Variants in GPSM1 observed in about 807,000 individuals in gnomAD.
The protein encoded by GPSM1 is G protein signaling modulator 1.
In GPSM1, 48 loss-of-function variants were observed where a neutral mutation model predicts 70.5. The observed-to-expected ratio is 0.68, with a 90% CI of 0.54 to 0.87. GPSM1 has a LOEUF of 0.87. Ranked by LOEUF, GPSM1 falls within the 40% of genes least tolerant of loss-of-function variation. The pLI is 0.00. For missense variants in GPSM1, 981 were observed against 972.6 expected, an observed-to-expected ratio of 1.01 and a Z score of -0.11; for synonymous variants, 416 against 430.1, an observed-to-expected ratio of 0.97 and a Z score of 0.41.
chr9:136,352,121 G>A (rs544365720), intron 11 of GPSM1, among the ~76,000 whole-genome samples: 4 of 146,808 alleles, frequency 2.7e-5, no homozygotes, highest in Non-Finnish European at 4.6e-5. Context: ...ATGCTGCGCC[G>A]TTGCTGTTGG....
At chr9:136,337,405 T>C (rs782497387) in intron 4 of GPSM1, 36 bp from the exon 5 acceptor site, 4 of 1,561,322 alleles carry the variant, frequency 2.6e-6, no homozygotes, top group Non-Finnish European at 2.6e-6. Flanking sequence ...GGACATGGGC[T>C]GGGAGGGACA....
At chr9:136,355,606 G>A in intron 11 of GPSM1, 84 bp from the exon 12 acceptor site, 3 of 1,303,112 alleles carry the variant, frequency 2.3e-6, no homozygotes, top group Non-Finnish European at 2.2e-6. Context: ...TCAGAAGTGT[G>A]TGTGGCCTGG....
chr9:136,343,794 G>A lies in GPSM1; in HGVS notation c.1207+2801G>A, dbSNP rs28403081. Among the ~76,000 whole-genome samples the A allele has an allele frequency of 0.014, 2,170 of 152,324 alleles. 56 individuals are homozygous for A. Among genetic ancestry groups the A allele is most frequent in the African/African-American group, 0.049 (2,028 of 41,568 alleles). Reference sequence around the variant, plus strand: ...TGTTGCGTTCGGGCCCTGGGTGGACGAGGCAGGTGTGGCTGCAGCACCATC... The same window carrying A: ...TGTTGCGTTCGGGCCCTGGGTGGACAAGGCAGGTGTGGCTGCAGCACCATC... On this transcript the variant is annotated intron_variant, in intron 9 of 13. Transcript: ENST00000440944. The surrounding 1 kb of genome is among the most constrained non-coding windows in gnomAD (Gnocchi z 6.0).
intron 13 of GPSM1, 73 bp downstream of exon 13, chr9:136,356,623 C>A: frequency 8.7e-7 from 1 of 1,152,106 alleles, no homozygotes; most frequent in East Asian, 2.5e-5. Flanking sequence ...AACTTGTGTC[C>A]TGAGGGGTGA....
At chr9:136,339,570 AATGCCCCTTGGGCCT>A (rs1832334946) in intron 7 of GPSM1, 122 bp from the exon 8 acceptor site, 1 of 623,590 alleles carries the variant, frequency 1.6e-6, no homozygotes, top group East Asian at 2.8e-5. Flanking sequence ...TCATCCGGCC[AATGCCCCTTGGGCCT>A]GGGGGCCCCT....
At chr9:136,328,266 C>A (rs1471289875) in intron 1 of GPSM1, among the ~76,000 whole-genome samples, 1 of 152,228 alleles carries the variant, frequency 6.6e-6, no homozygotes, top group Non-Finnish European at 1.5e-5. Context: ...CTGGGTGATC[C>A]CAGTGACTGG....
At chr9:136,335,603 C>G (rs1466411000) in intron 2 of GPSM1, among the ~76,000 whole-genome samples, 3 of 152,142 alleles carry the variant, frequency 2.0e-5, no homozygotes, top group South Asian at 2.1e-4. Flanking sequence ...GAAGTTAGTT[C>G]TCCACCATCA....
chr9:136,354,006 G>C (rs1267030340), intron 11 of GPSM1, among the ~76,000 whole-genome samples: 2 of 152,198 alleles, frequency 1.3e-5, no homozygotes, highest in Admixed American at 6.5e-5. Flanking sequence ...GGGGGAGTGG[G>C]GGTGTTGCCT....
At position 136,342,541 on chromosome 9, in the gene GPSM1, T is replaced by C. The variant is rs1286772452; in HGVS notation, c.1207+1548T>C. 7.9e-5 allele frequency among the ~76,000 whole-genome samples: 12 copies of C among 151,964 alleles called. No individual in the cohort carries two copies. The highest frequency in any genetic ancestry group is 2.9e-4 in the African/African-American group (12 of 41,388). ...CCCCGCCCAGGGCAGCCCGGCAGCC[T>C]GGCTGGGGCCGCCGCCCGGCTGCCG... On this transcript the variant is annotated intron_variant, in intron 9 of 13. Transcript: ENST00000440944. The surrounding 1 kb of genome is among the most constrained non-coding windows in gnomAD (Gnocchi z 5.5).
chr9:136,327,613 C>A lies in GPSM1; in HGVS notation c.-83C>A. On this transcript the variant is annotated 5_prime_UTR_variant, in exon 1 of 14. Coordinates refer to ENST00000440944, the MANE Select transcript of GPSM1 (RefSeq NM_001145638.3). The stretch of plus-strand genomic sequence containing the variant: ...GACAGGCGGACAGCAGGGCGGACAG[C>A]AGGGAGGACAGCAGGGCGGGCAGGG... 1 of 264,718 alleles carries A rather than the reference C, an allele frequency of 3.8e-6. No individual in the cohort carries two copies. The highest frequency in any genetic ancestry group is 6.1e-6 in the Non-Finnish European group (1 of 163,332). The allele number at this position is 264,718 out of a possible 1,614,324, so 16.4% of individuals were successfully genotyped here. A position where few individuals can be genotyped will look rare whatever the true frequency, so the allele number is the denominator to read the frequency against.
In GPSM1 at chr9:136,350,603, C is replaced by A. The variant is rs1455166422; in HGVS notation, c.1455+840C>A. Among the ~76,000 whole-genome samples, 3 of 152,218 alleles carry A rather than the reference C, an allele frequency of 2.0e-5. No homozygotes were observed. In the East Asian group the frequency reaches 5.8e-4, roughly 29 times the overall value. On this transcript the variant is annotated intron_variant, in intron 11 of 13. Coordinates refer to ENST00000440944, the MANE Select transcript of GPSM1 (RefSeq NM_001145638.3). ...TGGCCTGTGCATGGCTGCAGAGCCCCTGGTGAGGGGACAGCAAGGGGCTAG... is the reference window on the plus strand; with the variant it reads ...TGGCCTGTGCATGGCTGCAGAGCCCATGGTGAGGGGACAGCAAGGGGCTAG...
chr9:136,347,133 G>A (rs1554771385), intron 9 of GPSM1, among the ~76,000 whole-genome samples: 1 of 152,130 alleles, frequency 6.6e-6, no homozygotes, highest in African/African-American at 2.4e-5. Flanking sequence ...TAGGAGCTGA[G>A]CCTCTCGGGG....
intron 1 of GPSM1, among the ~76,000 whole-genome samples, chr9:136,333,176 G>GT (rs1832142925): frequency 6.6e-6 from 1 of 152,206 alleles, no homozygotes; most frequent in Non-Finnish European, 1.5e-5. Flanking sequence ...ACCTCCTGGG[G>GT]CCCCCCAAGC....
At chr9:136,334,881 G>A (rs1261165976) in intron 2 of GPSM1, among the ~76,000 whole-genome samples, 1 of 152,132 alleles carries the variant, frequency 6.6e-6, no homozygotes, top group Non-Finnish European at 1.5e-5. Flanking sequence ...TGGCGGGTGA[G>A]TGGGGGTGGC....
At position 136,339,835 on chromosome 9, in the gene GPSM1, A is replaced by C. The variant is rs1169522819; in HGVS notation, c.1083+20A>C. On this transcript the variant is annotated intron_variant, in intron 8 of 13. Coordinates refer to ENST00000440944, the MANE Select transcript of GPSM1 (RefSeq NM_001145638.3). ...CAGGAGGTGAGCCAGGCCTGCCCCC[A>C]GAAGTCCCGGGCACTGCCCAGCCCA... 8 of 1,450,848 alleles carry C rather than the reference A, an allele frequency of 5.5e-6. No individual in the cohort carries two copies. The African/African-American group carries it at 1.1e-4, about 20-fold the overall frequency. The allele number at this position is 1,450,848 out of a possible 1,614,324, so 89.9% of individuals were successfully genotyped here.
In GPSM1 at chr9:136,358,525, C is replaced by T. The variant is rs911764480; in HGVS notation, c.*305C>T. The T allele has an allele frequency of 1.9e-6, 1 of 513,630 alleles. No homozygotes were observed. The highest frequency in any genetic ancestry group is 2.0e-5 in the African/African-American group (1 of 49,020). 31.8% of individuals were successfully genotyped at this position (513,630 alleles called of 1,614,324 possible). A position where few individuals can be genotyped will look rare whatever the true frequency, so the allele number is the denominator to read the frequency against. On this transcript the variant is annotated 3_prime_UTR_variant, in exon 14 of 14. Coordinates refer to ENST00000440944, the MANE Select transcript of GPSM1 (RefSeq NM_001145638.3). Reference sequence around the variant, plus strand: ...GACTCCCGCATCCTCTCCCCCAAGCCCTTCCCGTTCTGCCCTGCCCTGCCA... The same window carrying T: ...GACTCCCGCATCCTCTCCCCCAAGCTCTTCCCGTTCTGCCCTGCCCTGCCA...
intron 1 of GPSM1, among the ~76,000 whole-genome samples, chr9:136,330,736 A>C (rs529333158): frequency 2.6e-4 from 40 of 152,178 alleles, no homozygotes; most frequent in African/African-American, 9.4e-4. Flanking sequence ...CAGGGCTGGG[A>C]CTGAGGGACA....
In GPSM1 at chr9:136,356,947, G is replaced by A. The variant is rs148955523; in HGVS notation, c.1821+397G>A. ...CAGATAGCACCCCCAGAGTGGGGAG[G>A]GCAGGGGGATCCAGGGCTGCCAGCT... On this transcript the variant is annotated intron_variant, in intron 13 of 13. Transcript: ENST00000440944. 6.5e-3 allele frequency among the ~76,000 whole-genome samples: 983 copies of A among 152,334 alleles called. 2 individuals carry two copies. Among genetic ancestry groups the A allele is most frequent in the Middle Eastern group, 0.014 (4 of 294 alleles).
At position 136,338,654 on chromosome 9, in the gene GPSM1, G is replaced by A. The variant is rs1006555058; in HGVS notation, c.918G>A (p.Glu306=). The A allele has an allele frequency of 6.3e-7, 1 of 1,589,840 alleles. No individual in the cohort carries two copies. The highest frequency in any genetic ancestry group is 1.3e-5 in the African/African-American group (1 of 74,788). The change falls in exon 7 of 14, where the codon GAG becomes GAA. Residue 306 remains glutamate (E), a synonymous_variant. Transcript: ENST00000440944. ...GNTYTLLQDY[E]RAAEYHLRHL... ...CCTACACGCTGCTGCAGGACTACGA[G>A]CGCGCGGCCGAGTACCACCTGCGGC...
Sources: gnomAD v4.1 joint callset for allele counts (sites outside exome capture counted in the v4.1 genomes callset) on GRCh38, gnomAD v4.1.1 for gene constraint, Gnocchi (gnomAD v3.1) non-coding constraint, MANE v1.5 for transcripts, NCBI Gene and HGNC (gene_info 2026-07-23, HGNC 2026-07-21) for gene names.